Variants in MEST observed in about 807,000 individuals in gnomAD.
MEST encodes mesoderm-specific transcript homolog protein.
A neutral mutation model predicts 50.9 loss-of-function variants in MEST; 18 were observed. The observed-to-expected ratio is 0.35, with a 90% CI of 0.24 to 0.52. The LOEUF is 0.52. Among genes scored for constraint, MEST ranks in the 20% least tolerant of loss-of-function variants. The pLI is 0.94. For synonymous variants in MEST, 130 were observed against 154.1 expected, an observed-to-expected ratio of 0.84 and a Z score of 1.16; for missense variants, 282 against 425.3, an observed-to-expected ratio of 0.66 and a Z score of 2.96.
At chr7:130,495,761 T>TA in intron 2 of MEST, 1 of 392,860 alleles carries the variant, frequency 2.5e-6, no homozygotes, top group Non-Finnish European at 4.4e-6. Context: ...TGTAGCTTGA[T>TA]ATGTATTCCA....
In MEST at chr7:130,492,294, C is replaced by T. The variant is rs1036930466; in HGVS notation, c.-20C>T. The T allele has an allele frequency of 1.6e-5, 21 of 1,346,182 alleles. No individual in the cohort carries two copies. The highest frequency in any genetic ancestry group is 1.7e-5 in the Non-Finnish European group (18 of 1,049,590). 83.4% of individuals were successfully genotyped at this position (1,346,182 alleles called of 1,614,324 possible). A position where few individuals can be genotyped will look rare whatever the true frequency, so the allele number is the denominator to read the frequency against. ...CGGTGCTCTGCAACGCTGCGGCGGG[C>T]GGCATGGGATAACGCGGCCATGGTG... On this transcript the variant is annotated 5_prime_UTR_variant, in exon 1 of 12. Coordinates refer to ENST00000223215, the MANE Select transcript of MEST (RefSeq NM_002402.4). The surrounding 1 kb of genome is among the most constrained non-coding windows in gnomAD (Gnocchi z 7.6).
At chr7:130,488,761 T>C (rs955558846), upstream of MEST, 3 of 152,252 alleles carry the variant, frequency 2.0e-5, no homozygotes, top group African/African-American at 4.8e-5. Flanking sequence ...AACACATTCC[T>C]ATTTGTCTCT....
chr7:130,490,160 G>T (rs1185485197), upstream of MEST, among the ~76,000 whole-genome samples: 1 of 152,162 alleles, frequency 6.6e-6, no homozygotes, highest in African/African-American at 2.4e-5. Flanking sequence ...AGTTAAAATA[G>T]GTAATCTTTG....
Position 130,500,161 on chromosome 7 carries a change from GA to G in MEST, c.576+249del. On this transcript the variant is annotated intron_variant, in intron 7 of 11. Coordinates refer to ENST00000223215, the MANE Select transcript of MEST (RefSeq NM_002402.4). This position sits in a 1 kb window ranked among gnomAD's most constrained non-coding sequence, Gnocchi z 5.0. ...AATATTTGGAGAAATTACAGCTATG[GA>G]AAGATCTGTGTCACAAGCTTGATGT... is the stretch of plus-strand genomic sequence containing the variant. 2 of 554,070 alleles carry G rather than the reference GA, an allele frequency of 3.6e-6. No individual in the cohort carries two copies. Among genetic ancestry groups the G allele is most frequent in the South Asian group, 5.4e-5 (2 of 37,012 alleles). 34.3% of individuals were successfully genotyped at this position (554,070 alleles called of 1,614,324 possible).
chr7:130,490,721 G>A (rs1554434917), upstream of MEST: 1 of 152,178 alleles, frequency 6.6e-6, no homozygotes, highest in African/African-American at 2.4e-5. Context: ...TGTTGTTTTC[G>A]GGCCGGGGCT....
intron 2 of MEST, chr7:130,496,431 T>C (rs945700288): frequency 6.3e-6 from 2 of 315,266 alleles, no homozygotes; most frequent in Non-Finnish European, 1.2e-5. Flanking sequence ...TCTAAATTAT[T>C]TTTGAAAACC....
Position 130,497,872 on chromosome 7 carries a change from C to A in MEST, c.262-64C>A. ...AGATAGGGCTGAAGCTCCTGTGCAA[C>A]TGTAGGTCTGGTGAAAGGGAGGGGC... On this transcript the variant is annotated intron_variant, in intron 3 of 11. Transcript: ENST00000223215. This position sits in a 1 kb window ranked among gnomAD's most constrained non-coding sequence, Gnocchi z 4.0. 1 of 1,467,834 alleles carries A rather than the reference C, an allele frequency of 6.8e-7. No homozygotes were observed. Among genetic ancestry groups the A allele is most frequent in the Admixed American group, 1.7e-5 (1 of 59,854 alleles). 90.9% of individuals were successfully genotyped at this position (1,467,834 alleles called of 1,614,324 possible).
intron 10 of MEST, among the ~76,000 whole-genome samples, chr7:130,503,651 A>G (rs1488622580): frequency 6.6e-6 from 1 of 152,102 alleles, no homozygotes; most frequent in Non-Finnish European, 1.5e-5. Context: ...TTCTCTACAG[A>G]TAATTTAAAA....
intron 1 of MEST, chr7:130,494,858 T>TAC (rs201580368): frequency 4.3e-5 from 42 of 982,700 alleles, no homozygotes; most frequent in African/African-American, 1.0e-4. Context: ...GATAAGTTAC[T>TAC]ACACACACAC....
In MEST at chr7:130,495,433, T is replaced by A; in HGVS notation, c.92T>A (p.Ile31Asn). ...AVPLLAAYLH[I>N]PPPQLSPALH... The stretch of plus-strand genomic sequence containing the variant: ...CCCCTGCTTGCTGCGTACCTGCACA[T>A]CCCACCCCCTCAGCTCTCCCCTGCC... The change falls in exon 2 of 12, where the codon ATC (isoleucine) becomes AAC (asparagine). Residue 31 changes from isoleucine to asparagine, a missense_variant. Physicochemically the swap from Ile to Asn is moderately radical, Grantham distance 149 (BLOSUM62 -3). Coordinates refer to ENST00000223215, the MANE Select transcript of MEST (RefSeq NM_002402.4). The A allele has an allele frequency of 6.2e-7, 1 of 1,614,024 alleles. No individual in the cohort carries two copies. The highest frequency in any genetic ancestry group is 8.5e-7 in the Non-Finnish European group (1 of 1,179,954).
At chr7:130,489,021 G>A (rs1215833195), upstream of MEST, 1 of 152,140 alleles carries the variant, frequency 6.6e-6, no homozygotes, top group Non-Finnish European at 1.5e-5. Context: ...TACAATGATG[G>A]CTCTTGAAAG....
intron 9 of MEST, among the ~76,000 whole-genome samples, chr7:130,501,865 G>A (rs1799287117): frequency 2.0e-5 from 3 of 152,026 alleles, no homozygotes; most frequent in South Asian, 4.2e-4. Context: ...AAATTAGCCA[G>A]TAATTCCAGC....
In MEST at chr7:130,492,270, G is replaced by C; in HGVS notation, c.-44G>C. 7.5e-7 allele frequency: 1 copy of C among 1,340,374 alleles called. No homozygotes were observed. The highest frequency in any genetic ancestry group is 1.5e-5 in the African/African-American group (1 of 65,396). The allele number at this position is 1,340,374 out of a possible 1,614,324, so 83.0% of individuals were successfully genotyped here. A position where few individuals can be genotyped will look rare whatever the true frequency, so the allele number is the denominator to read the frequency against. On this transcript the variant is annotated 5_prime_UTR_variant, in exon 1 of 12. Coordinates refer to ENST00000223215, the MANE Select transcript of MEST (RefSeq NM_002402.4). The surrounding 1 kb of genome is among the most constrained non-coding windows in gnomAD (Gnocchi z 7.6). ...CACGGCTGCGGGCTCTGCGGCGCCCGGTGCTCTGCAACGCTGCGGCGGGCG... is the reference window on the plus strand; with the variant it reads ...CACGGCTGCGGGCTCTGCGGCGCCCCGTGCTCTGCAACGCTGCGGCGGGCG...
upstream of MEST, among the ~76,000 whole-genome samples, chr7:130,491,894 C>A (rs978318054): frequency 2.0e-4 from 31 of 152,180 alleles, no homozygotes; most frequent in African/African-American, 7.0e-4. This position sits in a 1 kb window ranked among gnomAD's most constrained non-coding sequence, Gnocchi z 6.8. Context: ...GGGCTCGACA[C>A]CCCTGAAGGT....
intron 6 of MEST, 56 bp from the exon 7 acceptor site, chr7:130,499,818 AT>A (rs2116280010): frequency 4.3e-6 from 6 of 1,393,316 alleles, no homozygotes; most frequent in Non-Finnish European, 5.0e-6. Context: ...TCCCGTCTCT[AT>A]AAAAAAAAAA....
rs1234511413 is a variant in MEST at position 130,505,613 on chromosome 7, T to C, written c.*557T>C. On this transcript the variant is annotated 3_prime_UTR_variant, in exon 12 of 12. Transcript: ENST00000223215. Reference sequence around the variant, plus strand: ...TTTAGTTATAAACATTTTGTTAAAATAGATATTGGTTTAAATGATACAGTA... The same window carrying C: ...TTTAGTTATAAACATTTTGTTAAAACAGATATTGGTTTAAATGATACAGTA... The C allele has an allele frequency of 1.3e-5, 2 of 152,452 alleles. No individual in the cohort carries two copies. The highest frequency in any genetic ancestry group is 6.5e-5 in the Admixed American group (1 of 15,314). 9.4% of individuals were successfully genotyped at this position (152,452 alleles called of 1,614,324 possible).
At chr7:130,489,042 G>A (rs1310062251), upstream of MEST, 1 of 152,160 alleles carries the variant, frequency 6.6e-6, no homozygotes, top group East Asian at 1.9e-4. Context: ...TGGCAGTCCC[G>A]GTTGTGTCTT....
chr7:130,501,034 T>C (rs1799259330), intron 9 of MEST, 144 bp downstream of exon 9: 2 of 587,012 alleles, frequency 3.4e-6, no homozygotes, highest in African/African-American at 1.9e-5. Flanking sequence ...TCATGGTCTA[T>C]ATGAAGAAAG....
At chr7:130,489,153 A>C (rs1263372139), upstream of MEST, 2 of 152,224 alleles carry the variant, frequency 1.3e-5, no homozygotes, top group Non-Finnish European at 2.9e-5. Flanking sequence ...TGCTGATCCC[A>C]TACCACTGTT....
Sources: allele counts gnomAD v4.1 joint callset (sites outside exome capture counted in the v4.1 genomes callset), GRCh38; gene constraint gnomAD v4.1.1; non-coding constraint Gnocchi (gnomAD v3.1); transcripts MANE v1.5; gene names NCBI Gene and HGNC (gene_info 2026-07-23, HGNC 2026-07-21).